The following PPP2R3A variants were observed in gnomAD, a reference collection of about 807,000 sequenced individuals.
The protein encoded by PPP2R3A is protein phosphatase 2 regulatory subunit B''alpha, also known as serine/threonine-protein phosphatase 2A regulatory subunit B'' subunit alpha.
A neutral mutation model predicts 106.9 loss-of-function variants in PPP2R3A; 80 were observed. The observed-to-expected ratio is 0.75, with a 90% CI of 0.62 to 0.90. The LOEUF is 0.90. PPP2R3A is among the 40% of genes least tolerant of loss of function. The pLI is 0.00. For missense variants in PPP2R3A, 1,386 were observed against 1,350.4 expected (o/e 1.03, Z -0.41); for synonymous variants, 483 against 468.3 (o/e 1.03, Z -0.41).
At chr3:136,140,442 TAAAAAAAAAA>T (rs199699500) in intron 13 of PPP2R3A, among the ~76,000 whole-genome samples, 3 of 87,236 alleles carry the variant, frequency 3.4e-5, no homozygotes, top group Non-Finnish European at 6.8e-5. Context: ...TGAGACTCTT[TAAAAAAAAAA>T]AAAAAAAAAA....
chr3:136,041,403 A>T (rs868127707), intron 4 of PPP2R3A, among the ~76,000 whole-genome samples: 1 of 151,836 alleles, frequency 6.6e-6, no homozygotes, highest in South Asian at 2.1e-4. Flanking sequence ...GACTACAGGC[A>T]GGCACCACCA....
At chr3:136,037,563 C>A (rs1310220396) in intron 3 of PPP2R3A, among the ~76,000 whole-genome samples, 3 of 152,180 alleles carry the variant, frequency 2.0e-5, no homozygotes, top group African/African-American at 7.2e-5. Flanking sequence ...ACCCATCACA[C>A]CTGTGGCCTG....
rs758934465 is a variant in PPP2R3A at position 136,002,086 on chromosome 3, C to T, written c.588C>T (p.Asn196=). ...PLSHRNSLDT[N]LTSMFLQNFS... ...CTCATAGAAACTCACTGGATACGAA[C>T]CTGACTTCCATGTTTCTTCAAAACT... Residue 196 remains asparagine, a synonymous_variant, in exon 2 of 14, where the codon AAC becomes AAT. Transcript: ENST00000264977. 1.2e-6 allele frequency: 2 copies of T among 1,613,918 alleles called. No individual in the cohort carries two copies. The highest frequency in any genetic ancestry group is 2.7e-5 in the African/African-American group (2 of 74,902).
intron 1 of PPP2R3A, among the ~76,000 whole-genome samples, chr3:135,967,946 C>G (rs969669855): frequency 6.6e-6 from 1 of 152,126 alleles, no homozygotes; most frequent in Non-Finnish European, 1.5e-5. Flanking sequence ...AGTAGCACTC[C>G]ACACACACAG....
At chr3:136,075,367 ATAAT>A (rs1238949517) in intron 6 of PPP2R3A, among the ~76,000 whole-genome samples, 11 of 152,158 alleles carry the variant, frequency 7.2e-5, no homozygotes, top group South Asian at 2.1e-4. Context: ...TAGAAAAACA[ATAAT>A]TAGTGTAGAG....
chr3:136,066,811 C>T (rs1292627261), intron 5 of PPP2R3A, among the ~76,000 whole-genome samples: 2 of 152,026 alleles, frequency 1.3e-5, no homozygotes, highest in African/African-American at 4.8e-5. Flanking sequence ...TCCACCAGGC[C>T]CCCATTTGCA....
At chr3:136,054,406 G>A (rs988258694) in intron 5 of PPP2R3A, among the ~76,000 whole-genome samples, 2 of 151,870 alleles carry the variant, frequency 1.3e-5, no homozygotes, top group African/African-American at 2.4e-5. Context: ...TTACAGGCAC[G>A]CGCCACCACA....
At chr3:136,017,996 G>A (rs1934336769) in intron 2 of PPP2R3A, among the ~76,000 whole-genome samples, 1 of 152,238 alleles carries the variant, frequency 6.6e-6, no homozygotes, top group Admixed American at 6.5e-5. Context: ...GCCAGGCACA[G>A]TGGCTCACAC....
intron 6 of PPP2R3A, 50 bp downstream of exon 6, chr3:136,070,602 T>C (rs767067916): frequency 6.9e-7 from 1 of 1,448,178 alleles, no homozygotes; most frequent in African/African-American, 1.4e-5. Flanking sequence ...GTCACCTTTT[T>C]ATTACCATCT....
At chr3:136,137,399 A>G (rs1332170199) in intron 13 of PPP2R3A, among the ~76,000 whole-genome samples, 1 of 152,054 alleles carries the variant, frequency 6.6e-6, no homozygotes. Flanking sequence ...TTAGTGCTTC[A>G]GTGTTCTCAA....
intron 5 of PPP2R3A, among the ~76,000 whole-genome samples, chr3:136,068,849 A>G (rs1256976389): frequency 2.0e-5 from 3 of 152,112 alleles, no homozygotes; most frequent in Non-Finnish European, 2.9e-5. Context: ...ACATACCAAC[A>G]TCACATACCC....
At chr3:136,122,970 G>A (rs967277165) in intron 13 of PPP2R3A, among the ~76,000 whole-genome samples, 1 of 152,060 alleles carries the variant, frequency 6.6e-6, no homozygotes, top group African/African-American at 2.4e-5. Context: ...TAGTTTGGGG[G>A]AAAAAATCTT....
chr3:136,025,655 A>G (rs1342529256), intron 2 of PPP2R3A, among the ~76,000 whole-genome samples: 2 of 152,280 alleles, frequency 1.3e-5, no homozygotes, highest in East Asian at 3.8e-4. Context: ...TATGATAAAT[A>G]TATTTCTTAC....
intron 3 of PPP2R3A, among the ~76,000 whole-genome samples, chr3:136,037,228 G>A (rs1935115293): frequency 6.6e-6 from 1 of 152,200 alleles, no homozygotes; most frequent in Non-Finnish European, 1.5e-5. Flanking sequence ...GTGAAGTTTA[G>A]CTCATTCATC....
intron 13 of PPP2R3A, among the ~76,000 whole-genome samples, chr3:136,142,333 C>T (rs1938910772): frequency 6.6e-6 from 1 of 152,164 alleles, no homozygotes; most frequent in African/African-American, 2.4e-5. Flanking sequence ...AGTCAAGACA[C>T]AGACATGTCT....
At chr3:136,092,987 A>C (rs1937129918) in intron 10 of PPP2R3A, among the ~76,000 whole-genome samples, 1 of 152,240 alleles carries the variant, frequency 6.6e-6, no homozygotes, top group Non-Finnish European at 1.5e-5. Flanking sequence ...GTATGAGCTA[A>C]TGCTATAAAA....
chr3:136,071,773 C>T lies in PPP2R3A; in HGVS notation c.2544+1221C>T, dbSNP rs547908045. Among the ~76,000 whole-genome samples, 3 of 152,328 alleles carry T rather than the reference C, an allele frequency of 2.0e-5. No individual in the cohort carries two copies. The East Asian group carries it at 5.8e-4, about 29-fold the overall frequency. Reference sequence around the variant, plus strand: ...CCCATACCCTGGCAACCCCTATTCTCTCATCTTATCTCCTACCTCCCACTC... The same window carrying T: ...CCCATACCCTGGCAACCCCTATTCTTTCATCTTATCTCCTACCTCCCACTC... On this transcript the variant is annotated intron_variant, in intron 6 of 13. Coordinates refer to ENST00000264977, the MANE Select transcript of PPP2R3A (RefSeq NM_002718.5).
chr3:136,094,541 A>G (rs1437426369), intron 10 of PPP2R3A, among the ~76,000 whole-genome samples: 1 of 152,242 alleles, frequency 6.6e-6, no homozygotes, highest in East Asian at 1.9e-4. Context: ...TGGATTAAAA[A>G]GGATGACTCA....
intron 1 of PPP2R3A, among the ~76,000 whole-genome samples, chr3:135,968,992 G>A (rs561838291): frequency 3.2e-4 from 48 of 151,944 alleles, no homozygotes; most frequent in African/African-American, 5.1e-4. Flanking sequence ...GTAATTTACC[G>A]TAAACAGTGC....
Sources: allele counts gnomAD v4.1 joint callset (sites outside exome capture counted in the v4.1 genomes callset), GRCh38; gene constraint gnomAD v4.1.1; transcripts MANE v1.5; gene names NCBI Gene and HGNC (gene_info 2026-07-23, HGNC 2026-07-21).